Variants in GALNT18 observed in about 807,000 individuals in gnomAD.
GALNT18 encodes polypeptide N-acetylgalactosaminyltransferase 18.
Under a neutral mutation model 69.5 loss-of-function variants are expected in GALNT18, and 44 were observed. The observed-to-expected ratio is 0.63, with a 90% CI of 0.50 to 0.81. GALNT18 has a LOEUF of 0.81. Among genes scored for constraint, GALNT18 ranks in the 40% least tolerant of loss-of-function variants. GALNT18 has a pLI of 0.00. For missense variants in GALNT18, 715 were observed against 810.0 expected, an observed-to-expected ratio of 0.88 and a Z score of 1.42; for synonymous variants, 364 against 318.2, an observed-to-expected ratio of 1.14 and a Z score of -1.53.
chr11:11,281,956 G>A (rs1037025338), intron 10 of GALNT18, among the ~76,000 whole-genome samples: 5 of 152,046 alleles, frequency 3.3e-5, no homozygotes, highest in African/African-American at 9.7e-5. Context: ...AGGCCATGGT[G>A]GGGCATCGCT....
At chr11:11,548,437 T>C (rs1019424443) in intron 1 of GALNT18, among the ~76,000 whole-genome samples, 3 of 152,146 alleles carry the variant, frequency 2.0e-5, no homozygotes, top group Non-Finnish European at 2.9e-5. Context: ...AACTGCTCCA[T>C]CCAACACAAA....
Position 11,497,327 on chromosome 11 carries a change from AACACACACACACACACACACACAC to A in GALNT18, c.236-48415_236-48392del, listed in dbSNP as rs61001797. ...TATTTATGTTTTACCTCCTGTCTCC[AACACACACACACACACACACACAC>A]ACACACACACACACACACACCCCTT... On this transcript the variant is annotated intron_variant, in intron 1 of 10. Coordinates refer to ENST00000227756, the MANE Select transcript of GALNT18 (RefSeq NM_198516.3). The surrounding 1 kb of genome is among the most constrained non-coding windows in gnomAD (Gnocchi z 4.2). 1.7e-4 allele frequency among the ~76,000 whole-genome samples: 23 copies of A among 132,324 alleles called. No individual in the cohort carries two copies. The highest frequency in any genetic ancestry group is 6.5e-4 in the African/African-American group (22 of 34,108). 86.8% of individuals were successfully genotyped at this position (132,324 alleles called of 152,430 possible).
rs1855888792 is a variant in GALNT18, at chr11:11,454,779, G to T, written c.236-5843C>A. Among the ~76,000 whole-genome samples the T allele has an allele frequency of 6.6e-6, 1 of 152,012 alleles. No homozygotes were observed. On this transcript the variant is annotated intron_variant, in intron 1 of 10. Coordinates refer to ENST00000227756, the MANE Select transcript of GALNT18 (RefSeq NM_198516.3). The surrounding 1 kb of genome is among the most constrained non-coding windows in gnomAD (Gnocchi z 4.2). ...GTGTCCTCAAAGCTCTGGCAGACAC[G>T]TTGATACCCATCTTCCCTCCTGAGT...
At chr11:11,289,682 G>A (rs751711282) in intron 10 of GALNT18, among the ~76,000 whole-genome samples, 4 of 152,204 alleles carry the variant, frequency 2.6e-5, no homozygotes, top group African/African-American at 4.8e-5. Flanking sequence ...ATGAGACTGA[G>A]TTACTCCAGT....
chr11:11,510,241 C>A (rs866779140), intron 1 of GALNT18, among the ~76,000 whole-genome samples: 1 of 152,204 alleles, frequency 6.6e-6, no homozygotes. Flanking sequence ...AATAGGAAAA[C>A]CACCTTTAAT....
At chr11:11,274,684 A>T (rs188820179) in intron 10 of GALNT18, among the ~76,000 whole-genome samples, 9 of 152,238 alleles carry the variant, frequency 5.9e-5, no homozygotes, top group African/African-American at 1.2e-4. Flanking sequence ...ATTTCTCCTA[A>T]TGTTATTCCT....
chr11:11,498,536 T>C (rs1856912775), intron 1 of GALNT18, among the ~76,000 whole-genome samples: 1 of 152,240 alleles, frequency 6.6e-6, no homozygotes, highest in Non-Finnish European at 1.5e-5. Context: ...TGGTGGCTAA[T>C]GCCTGTAATC....
chr11:11,391,712 T>A (rs753088252), intron 3 of GALNT18, among the ~76,000 whole-genome samples: 1 of 152,208 alleles, frequency 6.6e-6, no homozygotes, highest in African/African-American at 2.4e-5. Flanking sequence ...ATATATCGAT[T>A]CCAGCAGTCA....
intron 3 of GALNT18, among the ~76,000 whole-genome samples, chr11:11,385,479 T>C (rs1276788619): frequency 3.3e-5 from 5 of 152,048 alleles, no homozygotes; most frequent in African/African-American, 7.2e-5. Context: ...GTATTTTTAG[T>C]AGAGATGGGG....
intron 9 of GALNT18, among the ~76,000 whole-genome samples, chr11:11,302,474 C>G (rs542302974): frequency 6.6e-6 from 1 of 152,102 alleles, no homozygotes; most frequent in Non-Finnish European, 1.5e-5. Flanking sequence ...TCTGCCTGCA[C>G]CCCCCAGACC....
At chr11:11,550,548 T>A (rs1858163539) in intron 1 of GALNT18, among the ~76,000 whole-genome samples, 1 of 152,192 alleles carries the variant, frequency 6.6e-6, no homozygotes, top group Non-Finnish European at 1.5e-5. Context: ...TAACTGGCCG[T>A]AATTTATAAA....
intron 10 of GALNT18, among the ~76,000 whole-genome samples, chr11:11,274,760 C>T (rs1473881341): frequency 2.0e-5 from 3 of 152,154 alleles, no homozygotes; most frequent in South Asian, 2.1e-4. Flanking sequence ...TCCATGTGTT[C>T]TCATTGTCCA....
chr11:11,497,767 T>TAC lies in GALNT18; in HGVS notation c.236-48833_236-48832dup, dbSNP rs1554943805. ...CATATTTTCTATATATATATATATA[T>TAC]ACACACACACACACATACACACAAA... On this transcript the variant is annotated intron_variant, in intron 1 of 10. Coordinates refer to ENST00000227756, the MANE Select transcript of GALNT18 (RefSeq NM_198516.3). The surrounding 1 kb of genome is among the most constrained non-coding windows in gnomAD (Gnocchi z 4.2). Among the ~76,000 whole-genome samples, 378 of 144,818 alleles carry TAC rather than the reference T, an allele frequency of 2.6e-3. 2 individuals carry two copies. The East Asian group carries it at 0.028, about 11-fold the overall frequency.
intron 10 of GALNT18, among the ~76,000 whole-genome samples, chr11:11,286,371 G>A (rs1173682887): frequency 6.7e-6 from 1 of 148,498 alleles, no homozygotes; most frequent in Non-Finnish European, 1.5e-5. Context: ...ATGAGTGTCT[G>A]TGTACCACAG....
In GALNT18 at chr11:11,619,450, T is replaced by C. The variant is rs1172434305; in HGVS notation, c.235+1909A>G. On this transcript the variant is annotated intron_variant, in intron 1 of 10. Transcript: ENST00000227756. The surrounding 1 kb of genome is among the most constrained non-coding windows in gnomAD (Gnocchi z 4.9). ...TTTCCATGTGGAACCTTAGAAATCA[T>C]GTGACATGGTCCACATTCCACATGA... is the stretch of plus-strand genomic sequence containing the variant. 1.3e-5 allele frequency among the ~76,000 whole-genome samples: 2 copies of C among 152,186 alleles called. No homozygotes were observed. Among genetic ancestry groups the C allele is most frequent in the Non-Finnish European group, 2.9e-5 (2 of 68,042 alleles).
intron 7 of GALNT18, among the ~76,000 whole-genome samples, chr11:11,336,138 G>T (rs928679744): frequency 6.6e-6 from 1 of 152,208 alleles, no homozygotes; most frequent in Non-Finnish European, 1.5e-5. Context: ...CTGTCTTTGG[G>T]CAAGAGAAGC....
chr11:11,343,700 T>C (rs1268912464), intron 6 of GALNT18, among the ~76,000 whole-genome samples: 1 of 152,170 alleles, frequency 6.6e-6, no homozygotes, highest in Non-Finnish European at 1.5e-5. Context: ...GGGTAATGAT[T>C]CTTTTTGCCA....
At chr11:11,275,364 C>G (rs998163693) in intron 10 of GALNT18, among the ~76,000 whole-genome samples, 4 of 152,092 alleles carry the variant, frequency 2.6e-5, no homozygotes, top group Non-Finnish European at 5.9e-5. Context: ...CTGTTCATAT[C>G]CTTTACCCAC....
At chr11:11,524,221 G>A (rs997673757) in intron 1 of GALNT18, among the ~76,000 whole-genome samples, 1 of 152,146 alleles carries the variant, frequency 6.6e-6, no homozygotes, top group African/African-American at 2.4e-5. Context: ...TCAGATGCTA[G>A]GTGGCCCAAA....
Sources: gnomAD v4.1 joint callset for allele counts (sites outside exome capture counted in the v4.1 genomes callset) on GRCh38, gnomAD v4.1.1 for gene constraint, Gnocchi (gnomAD v3.1) non-coding constraint, MANE v1.5 for transcripts, NCBI Gene and HGNC (gene_info 2026-07-23, HGNC 2026-07-21) for gene names.